RBFOX1: variants seen among roughly 807,000 people sequenced by gnomAD.
RBFOX1 encodes the protein RNA binding protein fox-1 homolog 1.
RBFOX1 carries 8 observed loss-of-function variants against 57.7 expected under a neutral mutation model. The observed-to-expected ratio is 0.14, with a 90% CI of 0.08 to 0.25. The LOEUF (loss-of-function observed/expected upper bound fraction) is 0.25, where lower values mean the gene tolerates loss of function less well. Ranked by LOEUF, RBFOX1 falls within the 10% of genes least tolerant of loss-of-function variation. RBFOX1 has a pLI of 1.00. For synonymous variants in RBFOX1, 326 were observed against 222.4 expected, an observed-to-expected ratio of 1.47 and a Z score of -4.15; for missense variants, 611 against 548.5, an observed-to-expected ratio of 1.11 and a Z score of -1.14.
At chr16:6,070,134 A>T (rs2095817909) in intron 1 of RBFOX1, among the ~76,000 whole-genome samples, 1 of 152,134 alleles carries the variant, frequency 6.6e-6, no homozygotes, top group South Asian at 2.1e-4. Context: ...GTGTGATTTG[A>T]CTAGTAATAA....
chr16:6,491,780 T>C (rs1186924095), intron 2 of RBFOX1, among the ~76,000 whole-genome samples: 1 of 152,210 alleles, frequency 6.6e-6, no homozygotes, highest in Non-Finnish European at 1.5e-5. Context: ...GGGCTGCTAA[T>C]CAAATTTGAA....
chr16:7,082,484 A>ATAT, intron 4 of RBFOX1, among the ~76,000 whole-genome samples: 1 of 151,888 alleles, frequency 6.6e-6, no homozygotes, highest in African/African-American at 2.4e-5. Flanking sequence ...TGGGAGGCTG[A>ATAT]GATGGGAGGA....
chr16:5,240,014 G>C (rs2062123286), exon 1 of RBFOX1: 1 of 1,531,312 alleles, frequency 6.5e-7, no homozygotes, highest in Admixed American at 2.0e-5. Context: ...GAGGGGGGAA[G>C]CGCACAGCCC....
chr16:6,737,726 T>C (rs1024569377), intron 3 of RBFOX1, among the ~76,000 whole-genome samples: 3 of 152,202 alleles, frequency 2.0e-5, no homozygotes, highest in Non-Finnish European at 4.4e-5. Flanking sequence ...AATGTCTAGG[T>C]ACACAAATGA....
intron 4 of RBFOX1, among the ~76,000 whole-genome samples, chr16:7,514,093 A>G (rs1000791497): frequency 4.6e-5 from 7 of 151,994 alleles, no homozygotes; most frequent in Non-Finnish European, 7.4e-5. Context: ...TGCCACAGCT[A>G]TTAGAAAACA....
At chr16:5,699,569 T>C (rs7203465) in intron 3 of RBFOX1, among the ~76,000 whole-genome samples, 87,125 of 151,866 alleles carry the variant, frequency 0.57, 27,325 homozygotes, top group Non-Finnish European at 0.72. Context: ...AAATGTCTGC[T>C]TGGGGGCAAA....
Position 6,019,333 on chromosome 16 carries a change from C to T in RBFOX1, c.-786C>T, listed in dbSNP as rs1425565129. ...CCAGTCCCCGTGCGAGCCGCGCTGCCGCCGCCTCCTCCAGCCAGAGTCGGT... is the reference window on the plus strand; with the variant it reads ...CCAGTCCCCGTGCGAGCCGCGCTGCTGCCGCCTCCTCCAGCCAGAGTCGGT... On this transcript the variant is annotated 5_prime_UTR_variant, in exon 1 of 16. Coordinates refer to ENST00000550418, the MANE Select transcript of RBFOX1 (RefSeq NM_018723.4). This position sits in a 1 kb window ranked among gnomAD's most constrained non-coding sequence, Gnocchi z 4.2. 43 of 985,620 alleles carry T rather than the reference C, an allele frequency of 4.4e-5. No homozygotes were observed. The highest frequency in any genetic ancestry group is 5.2e-5 in the Non-Finnish European group (43 of 830,308). The allele number at this position is 985,620 out of a possible 1,614,324, so 61.1% of individuals were successfully genotyped here. A position where few individuals can be genotyped will look rare whatever the true frequency, so the allele number is the denominator to read the frequency against.
At chr16:7,332,136 G>A (rs1316795705) in intron 4 of RBFOX1, among the ~76,000 whole-genome samples, 3 of 152,186 alleles carry the variant, frequency 2.0e-5, no homozygotes, top group Non-Finnish European at 4.4e-5. Flanking sequence ...ACAGTGTTGT[G>A]GTTAGGAATC....
chr16:5,604,251 G>T (rs1200387671), downstream of RBFOX1, among the ~76,000 whole-genome samples: 1 of 152,160 alleles, frequency 6.6e-6, no homozygotes, highest in Non-Finnish European at 1.5e-5. Flanking sequence ...AACAACACCT[G>T]TCTACCATCT....
rs73526892 is a variant in RBFOX1 at position 5,462,041 on chromosome 16, C to G, written c.220-5175C>G. Reference sequence around the variant, plus strand: ...CTCCCACCAGTGGTGTAGGAGGGTGCCAGCTCCTCACACCATCACTGGCAC... The same window carrying G: ...CTCCCACCAGTGGTGTAGGAGGGTGGCAGCTCCTCACACCATCACTGGCAC... On this transcript the variant is annotated intron_variant, in intron 1 of 2. Coordinates refer to the RBFOX1 transcript ENST00000585867. Among the ~76,000 whole-genome samples, 391 of 152,260 alleles carry G rather than the reference C, an allele frequency of 2.6e-3. 3 individuals carry two copies. The highest frequency in any genetic ancestry group is 9.1e-3 in the African/African-American group (376 of 41,546).
At position 5,332,758 on chromosome 16, in the gene RBFOX1, G is replaced by T. The variant is rs557676344; in HGVS notation, c.219+92653G>T. ...TATTTTTGTAACAAGAGAAATCAAAGAAAATACAAGGGCAGTTTTATATAT... is the reference window on the plus strand; with the variant it reads ...TATTTTTGTAACAAGAGAAATCAAATAAAATACAAGGGCAGTTTTATATAT... On this transcript the variant is annotated intron_variant, in intron 1 of 2. Transcript: ENST00000585867. Among the ~76,000 whole-genome samples the T allele has an allele frequency of 1.3e-4, 19 of 151,636 alleles. 1 individual carries two copies. In the South Asian group the frequency reaches 3.3e-3, roughly 27 times the overall value.
At chr16:6,349,919 A>G (rs888176654) in intron 2 of RBFOX1, among the ~76,000 whole-genome samples, 1 of 152,160 alleles carries the variant, frequency 6.6e-6, no homozygotes, top group African/African-American at 2.4e-5. Flanking sequence ...AGGGGATGCC[A>G]TGGGGGGCAG....
At chr16:6,975,013 G>A (rs531491246) in intron 3 of RBFOX1, among the ~76,000 whole-genome samples, 32 of 152,292 alleles carry the variant, frequency 2.1e-4, no homozygotes, top group African/African-American at 7.7e-4. Flanking sequence ...GGAGCTAGGT[G>A]TGTTCACATG....
At chr16:7,261,294 T>C (rs2094910004) in intron 4 of RBFOX1, among the ~76,000 whole-genome samples, 1 of 152,190 alleles carries the variant, frequency 6.6e-6, no homozygotes, top group African/African-American at 2.4e-5. Context: ...GTGGAATTGA[T>C]GAATGGCAGG....
intron 3 of RBFOX1, among the ~76,000 whole-genome samples, chr16:5,772,471 A>G (rs2054012621): frequency 6.6e-6 from 1 of 152,180 alleles, no homozygotes; most frequent in Non-Finnish European, 1.5e-5. Context: ...TCTTGAGTTT[A>G]TTTCCCCATC....
chr16:7,173,427 T>A (rs2081083921), intron 4 of RBFOX1, among the ~76,000 whole-genome samples: 1 of 152,188 alleles, frequency 6.6e-6, no homozygotes, highest in South Asian at 2.1e-4. Flanking sequence ...ATCTGTGCAT[T>A]CAGTGACTCT....
Position 6,483,372 on chromosome 16 carries a change from G to A in RBFOX1, c.-64+166315G>A, listed in dbSNP as rs551414566. On this transcript the variant is annotated intron_variant, in intron 2 of 15. Transcript: ENST00000550418. The stretch of plus-strand genomic sequence containing the variant: ...AGGCAGCCCGGGCGAGCGAAGGCGC[G>A]CGGCGCGCACGACAGATGACTGGAG... 5.0e-5 allele frequency: 75 copies of A among 1,510,854 alleles called. 1 individual carries two copies. In the Admixed American group the frequency reaches 1.4e-3, roughly 29 times the overall value. The allele number at this position is 1,510,854 out of a possible 1,614,324, so 93.6% of individuals were successfully genotyped here.
At chr16:7,467,850 T>C (rs1425195072) in intron 4 of RBFOX1, among the ~76,000 whole-genome samples, 1 of 152,204 alleles carries the variant, frequency 6.6e-6, no homozygotes, top group Non-Finnish European at 1.5e-5. Flanking sequence ...GAGAGCTCAA[T>C]CTATAGCCAA....
At chr16:6,831,153 T>G (rs537235116) in intron 3 of RBFOX1, among the ~76,000 whole-genome samples, 13 of 152,330 alleles carry the variant, frequency 8.5e-5, no homozygotes, top group Non-Finnish European at 1.5e-4. Flanking sequence ...GTTTTGCTCA[T>G]TATAATTTCA....
Sources: allele counts gnomAD v4.1 joint callset (sites outside exome capture counted in the v4.1 genomes callset), GRCh38; gene constraint gnomAD v4.1.1; non-coding constraint Gnocchi (gnomAD v3.1); transcripts MANE v1.5; gene names NCBI Gene and HGNC (gene_info 2026-07-23, HGNC 2026-07-21).